ASXL3: variants seen among roughly 807,000 people sequenced by gnomAD.
ASXL3 encodes putative Polycomb group protein ASXL3.
In ASXL3, 34 loss-of-function variants were observed where a neutral mutation model predicts 170.6. That is an observed-to-expected ratio of 0.20 (90% CI 0.15 to 0.27). The LOEUF (loss-of-function observed/expected upper bound fraction) is 0.27. ASXL3 is among the 10% of genes least tolerant of loss of function. The pLI is 1.00. For synonymous variants in ASXL3, 1,002 were observed against 989.1 expected, an observed-to-expected ratio of 1.01 and a Z score of -0.24; for missense variants, 2,592 against 2,695.3, an observed-to-expected ratio of 0.96 and a Z score of 0.85.
chr18:33,691,103 A>G (rs2145304287), intron 8 of ASXL3, among the ~76,000 whole-genome samples: 1 of 152,242 alleles, frequency 6.6e-6, no homozygotes, highest in African/African-American at 2.4e-5. Context: ...CTGGATTCTG[A>G]TTAGGTTCAG....
At chr18:33,688,116 G>A (rs1029078817) in intron 8 of ASXL3, among the ~76,000 whole-genome samples, 4 of 152,118 alleles carry the variant, frequency 2.6e-5, no homozygotes, top group East Asian at 3.9e-4. Context: ...TAATAGTACC[G>A]TTTAGATCAC....
chr18:33,744,562 C>G lies in ASXL3; in HGVS notation c.4714C>G (p.Pro1572Ala). 6.2e-7 allele frequency: 1 copy of G among 1,611,138 alleles called. No individual in the cohort carries two copies. The change falls in exon 12 of 12, where the codon CCG (proline) becomes GCG (alanine). Residue 1572 changes from proline (P) to alanine (A), a missense_variant. Transcript: ENST00000269197. ...LPLVPDKLNE[P>A]TAPSHNFAEQ... Reference sequence around the variant, plus strand: ...CCTTGTTCCAGATAAATTAAATGAGCCGACTGCTCCCAGTCATAACTTTGC... The same window carrying G: ...CCTTGTTCCAGATAAATTAAATGAGGCGACTGCTCCCAGTCATAACTTTGC...
At chr18:33,590,111 G>GTTTTTTTTGTTTTTTTTTT (rs2065064587) in intron 1 of ASXL3, among the ~76,000 whole-genome samples, 1 of 83,184 alleles carries the variant, frequency 1.2e-5, no homozygotes, top group African/African-American at 6.9e-5. Context: ...TGCTTTCTAT[G>GTTTTTTTTGTTTTTTTTTT]TTTTTTTTTT....
intron 8 of ASXL3, among the ~76,000 whole-genome samples, chr18:33,725,436 T>A (rs1332119708): frequency 1.3e-5 from 2 of 152,134 alleles, no homozygotes; most frequent in African/African-American, 4.8e-5. Flanking sequence ...TACCTCTTTC[T>A]ACTTTTGCTT....
At chr18:33,699,840 T>A (rs1046956173) in intron 8 of ASXL3, among the ~76,000 whole-genome samples, 2 of 152,116 alleles carry the variant, frequency 1.3e-5, no homozygotes, top group African/African-American at 4.8e-5. Context: ...AGCTATTTTT[T>A]TCTTAGACCA....
chr18:33,630,324 A>T (rs1027163167), intron 2 of ASXL3, among the ~76,000 whole-genome samples: 3 of 151,506 alleles, frequency 2.0e-5, no homozygotes, highest in Admixed American at 6.6e-5. Flanking sequence ...ATTTCACACC[A>T]TCCTAAATAA....
chr18:33,703,360 G>A (rs72947444), intron 8 of ASXL3, among the ~76,000 whole-genome samples: 10,516 of 152,170 alleles, frequency 0.069, 380 homozygotes, highest in South Asian at 0.11. Context: ...TTTAGTAGCA[G>A]AGCATTGGGT....
In ASXL3 at chr18:33,604,223, A is replaced by G. The variant is rs536295150; in HGVS notation, c.55-3371A>G. ...GCTATTAAAACTATTAACTCAATTA[A>G]CTATTCATATAGATAATAATTACCC... On this transcript the variant is annotated intron_variant, in intron 1 of 11. Transcript: ENST00000269197. Among the ~76,000 whole-genome samples the G allele has an allele frequency of 3.3e-5, 5 of 152,192 alleles. No individual in the cohort carries two copies. The South Asian group carries it at 1.0e-3, about 32-fold the overall frequency.
At chr18:33,623,751 C>T (rs776648921) in intron 2 of ASXL3, among the ~76,000 whole-genome samples, 18 of 152,040 alleles carry the variant, frequency 1.2e-4, no homozygotes, top group Non-Finnish European at 7.4e-5. Context: ...AAAATTTCAT[C>T]AGTAGTTAGA....
At chr18:33,601,866 C>T (rs1461196053) in intron 1 of ASXL3, among the ~76,000 whole-genome samples, 1 of 146,982 alleles carries the variant, frequency 6.8e-6, no homozygotes, top group Non-Finnish European at 1.5e-5. Flanking sequence ...TCACTGCTCA[C>T]TGCAGCCTCA....
chr18:33,614,500 G>A (rs547613312), intron 2 of ASXL3: 1 of 152,216 alleles, frequency 6.6e-6, no homozygotes, highest in East Asian at 1.9e-4. Flanking sequence ...CCATACTCTT[G>A]TTAATGTTGC....
intron 1 of ASXL3, among the ~76,000 whole-genome samples, chr18:33,580,378 G>A (rs1477253459): frequency 1.3e-5 from 2 of 152,200 alleles, no homozygotes; most frequent in African/African-American, 4.8e-5. Context: ...GTGTGGGGAT[G>A]TGCAAGGCTT....
intron 8 of ASXL3, among the ~76,000 whole-genome samples, chr18:33,713,265 T>G (rs866269944): frequency 5.8e-5 from 7 of 121,200 alleles, no homozygotes; most frequent in African/African-American, 2.3e-4. Context: ...TTTTTTTTTT[T>G]TTTTTTTTTG....
chr18:33,744,774 C>A lies in ASXL3; in HGVS notation c.4926C>A (p.Ile1642=). 6.2e-7 allele frequency: 1 copy of A among 1,614,014 alleles called. No homozygotes were observed. The highest frequency in any genetic ancestry group is 8.5e-7 in the Non-Finnish European group (1 of 1,179,896). ...TAGAGCAAAGCTGTCCAAAGGCTAT[C>A]AAAACTGAACATGCCAACTACTTGA... ...EYLEQSCPKA[I]KTEHANYLNV... The change falls in exon 12 of 12, where the codon ATC becomes ATA. Residue 1642 remains isoleucine, a synonymous_variant. Coordinates refer to ENST00000269197, the MANE Select transcript of ASXL3 (RefSeq NM_030632.3).
chr18:33,715,630 TACTA>T (rs748189610), intron 8 of ASXL3, among the ~76,000 whole-genome samples: 3 of 152,238 alleles, frequency 2.0e-5, no homozygotes, highest in Non-Finnish European at 4.4e-5. Flanking sequence ...ATATTTTTGT[TACTA>T]ACAATAACGT....
chr18:33,643,709 T>C (rs1197035547), intron 2 of ASXL3, among the ~76,000 whole-genome samples: 1 of 151,878 alleles, frequency 6.6e-6, no homozygotes, highest in African/African-American at 2.4e-5. Context: ...GATTTGATAG[T>C]CTTGATCTTT....
intron 10 of ASXL3, 132 bp from the exon 11 acceptor site, chr18:33,738,355 A>C: frequency 1.0e-6 from 1 of 952,748 alleles, no homozygotes; most frequent in Non-Finnish European, 1.5e-6. Flanking sequence ...GTTTACATAA[A>C]TTAAGCATGT....
At chr18:33,650,287 G>A (rs1457177341) in intron 4 of ASXL3, among the ~76,000 whole-genome samples, 2 of 152,070 alleles carry the variant, frequency 1.3e-5, no homozygotes, top group Non-Finnish European at 2.9e-5. Flanking sequence ...GATGGCATGA[G>A]ATACAATGCT....
intron 2 of ASXL3, among the ~76,000 whole-genome samples, chr18:33,629,067 C>T (rs1178576972): frequency 1.3e-5 from 2 of 152,144 alleles, no homozygotes; most frequent in Non-Finnish European, 2.9e-5. Context: ...GTTGTCATTA[C>T]TGATTGTTAC....
Sources: gnomAD v4.1 joint callset for allele counts (sites outside exome capture counted in the v4.1 genomes callset) on GRCh38, gnomAD v4.1.1 for gene constraint, MANE v1.5 for transcripts, NCBI Gene and HGNC (gene_info 2026-07-23, HGNC 2026-07-21) for gene names.